The following SIPA1L1 variants were observed in gnomAD, a reference collection of about 807,000 sequenced individuals.
SIPA1L1 encodes signal-induced proliferation-associated 1-like protein 1.
A neutral mutation model predicts 162.7 loss-of-function variants in SIPA1L1; 26 were observed. That is an observed-to-expected ratio of 0.16 (90% CI 0.12 to 0.22). The LOEUF is 0.22. SIPA1L1 is among the 10% of genes least tolerant of loss of function. SIPA1L1 has a pLI of 1.00. For synonymous variants in SIPA1L1, 829 were observed against 837.4 expected (o/e 0.99, Z 0.17); for missense variants, 1,874 against 2,241.0 (o/e 0.84, Z 3.31).
intron 2 of SIPA1L1, among the ~76,000 whole-genome samples, chr14:71,468,822 A>G (rs2047227126): frequency 6.6e-6 from 1 of 152,212 alleles, no homozygotes; most frequent in African/African-American, 2.4e-5. Flanking sequence ...AAAACCCATC[A>G]TGAAAAGTCT....
chr14:71,697,944 A>C (rs879471930), intron 13 of SIPA1L1, among the ~76,000 whole-genome samples: 86 of 151,692 alleles, frequency 5.7e-4, no homozygotes, highest in South Asian at 1.0e-3. Context: ...CAAAAAAAAA[A>C]CCACAGAAAA....
chr14:71,532,230 A>T (rs937679201), intron 4 of SIPA1L1, among the ~76,000 whole-genome samples: 5 of 152,138 alleles, frequency 3.3e-5, no homozygotes, highest in Non-Finnish European at 5.9e-5. Context: ...TTTCTTTTTT[A>T]AAAAATCTGC....
At chr14:71,469,543 C>G (rs1200941925) in intron 2 of SIPA1L1, among the ~76,000 whole-genome samples, 1 of 152,070 alleles carries the variant, frequency 6.6e-6, no homozygotes, top group African/African-American at 2.4e-5. Context: ...AGTGAGTGAA[C>G]AGAATGATGC....
intron 2 of SIPA1L1, among the ~76,000 whole-genome samples, chr14:71,446,893 T>TG (rs2045393410): frequency 2.8e-5 from 3 of 105,846 alleles, no homozygotes; most frequent in African/African-American, 1.2e-4. Flanking sequence ...AGATGGGCTC[T>TG]GTTTTTTTTT....
intron 2 of SIPA1L1, among the ~76,000 whole-genome samples, chr14:71,398,933 A>G (rs1438842693): frequency 6.6e-6 from 1 of 152,228 alleles, no homozygotes; most frequent in Admixed American, 6.5e-5. Flanking sequence ...TAGATGTTTC[A>G]TAAGTGTTTG....
intron 2 of SIPA1L1, among the ~76,000 whole-genome samples, chr14:71,384,067 A>G (rs1005312656): frequency 3.9e-5 from 6 of 151,950 alleles, no homozygotes; most frequent in African/African-American, 1.5e-4. Flanking sequence ...CAGGGTCATT[A>G]TGTGCTTGTT....
intron 2 of SIPA1L1, among the ~76,000 whole-genome samples, chr14:71,506,006 A>G (rs1238744693): frequency 4.8e-5 from 7 of 147,020 alleles, no homozygotes; most frequent in South Asian, 4.6e-4. Context: ...AAATTCTGAA[A>G]TGCTTCTGGT....
intron 4 of SIPA1L1, among the ~76,000 whole-genome samples, chr14:71,566,733 A>C (rs951982484): frequency 2.6e-5 from 4 of 152,218 alleles, no homozygotes; most frequent in Non-Finnish European, 5.9e-5. Context: ...GAACATTTCT[A>C]AACTTTTAGA....
At chr14:71,507,809 A>G (rs140668582) in intron 2 of SIPA1L1, among the ~76,000 whole-genome samples, 28 of 152,232 alleles carry the variant, frequency 1.8e-4, no homozygotes, top group African/African-American at 6.5e-4. Flanking sequence ...CTATAACTCT[A>G]GCCCTGTCAG....
intron 17 of SIPA1L1, among the ~76,000 whole-genome samples, chr14:71,714,350 A>G (rs1246995159): frequency 6.6e-6 from 1 of 152,228 alleles, no homozygotes; most frequent in Non-Finnish European, 1.5e-5. Flanking sequence ...GATCTCACCA[A>G]CAAAACATTT....
At chr14:71,697,541 C>T (rs1597057740) in intron 13 of SIPA1L1, among the ~76,000 whole-genome samples, 1 of 151,938 alleles carries the variant, frequency 6.6e-6, no homozygotes, top group South Asian at 2.1e-4. Context: ...GGGCAGTTTG[C>T]GTTATTGGAG....
intron 4 of SIPA1L1, among the ~76,000 whole-genome samples, chr14:71,548,879 T>G (rs1003635482): frequency 1.5e-5 from 2 of 130,636 alleles, no homozygotes; most frequent in African/African-American, 5.9e-5. Context: ...GCCTGGAGAC[T>G]GTCTCCAAAA....
At chr14:71,549,971 G>A (rs184875722) in intron 4 of SIPA1L1, among the ~76,000 whole-genome samples, 3 of 152,028 alleles carry the variant, frequency 2.0e-5, no homozygotes, top group Non-Finnish European at 4.4e-5. Context: ...TGGACAAGGC[G>A]AAGGGAGCTG....
At chr14:71,646,848 T>C (rs2042215190) in intron 7 of SIPA1L1, among the ~76,000 whole-genome samples, 1 of 152,220 alleles carries the variant, frequency 6.6e-6, no homozygotes, top group Non-Finnish European at 1.5e-5. Flanking sequence ...CCTTAAAGTA[T>C]TGTATATGTA....
At chr14:71,361,111 G>T (rs2037771390) in intron 2 of SIPA1L1, among the ~76,000 whole-genome samples, 2 of 152,010 alleles carry the variant, frequency 1.3e-5, no homozygotes, top group South Asian at 4.2e-4. Context: ...TATGATAAAG[G>T]TTTTTACTTC....
intron 2 of SIPA1L1, among the ~76,000 whole-genome samples, chr14:71,414,635 C>T (rs1011037381): frequency 6.6e-6 from 1 of 152,224 alleles, no homozygotes; most frequent in South Asian, 2.1e-4. Context: ...TGTTTTCCCT[C>T]CATAGTGAAT....
At chr14:71,548,720 A>G (rs2055482688) in intron 4 of SIPA1L1, among the ~76,000 whole-genome samples, 1 of 152,078 alleles carries the variant, frequency 6.6e-6, no homozygotes, top group Middle Eastern at 3.4e-3. Context: ...AACATGGTGA[A>G]ACCCTGTCTC....
intron 10 of SIPA1L1, among the ~76,000 whole-genome samples, chr14:71,669,203 T>C (rs1448628060): frequency 6.6e-6 from 1 of 152,214 alleles, no homozygotes; most frequent in Non-Finnish European, 1.5e-5. Flanking sequence ...GAAAATTATA[T>C]GGTAAGGATT....
chr14:71,479,697 C>T (rs1277222946), intron 2 of SIPA1L1, among the ~76,000 whole-genome samples: 7 of 152,108 alleles, frequency 4.6e-5, no homozygotes. Flanking sequence ...CATGAACCAA[C>T]ACACCTGTCT....
Sources: gnomAD v4.1 joint callset for allele counts (sites outside exome capture counted in the v4.1 genomes callset) on GRCh38, gnomAD v4.1.1 for gene constraint, MANE v1.5 for transcripts, NCBI Gene and HGNC (gene_info 2026-07-23, HGNC 2026-07-21) for gene names.